The following DIAPH2 variants were observed in gnomAD, a reference collection of about 807,000 sequenced individuals.
DIAPH2 encodes the protein diaphanous related formin 2.
Under a neutral mutation model 92.7 loss-of-function variants are expected in DIAPH2, and 35 were observed. The observed-to-expected ratio is 0.38, with a 90% CI of 0.29 to 0.50. The LOEUF (loss-of-function observed/expected upper bound fraction) is 0.50. Among genes scored for constraint, DIAPH2 ranks in the 20% least tolerant of loss-of-function variants. DIAPH2 has a pLI of 0.94. For missense variants in DIAPH2, 701 were observed against 819.5 expected, an observed-to-expected ratio of 0.86 and a Z score of 1.77; for synonymous variants, 301 against 280.4, an observed-to-expected ratio of 1.07 and a Z score of -0.73.
At chrX:97,211,818 G>C (rs1464017265) in intron 22 of DIAPH2, among the ~76,000 whole-genome samples, 1 of 111,642 alleles carries the variant, frequency 9.0e-6, no homozygotes, top group African/African-American at 3.3e-5. Context: ...TTATACTGTT[G>C]CCTAAGATGT....
At chrX:97,407,750 T>A (rs2069824827) in intron 25 of DIAPH2, among the ~76,000 whole-genome samples, 1 of 112,400 alleles carries the variant, frequency 8.9e-6, no homozygotes, top group Non-Finnish European at 1.9e-5. Flanking sequence ...ATAATGATAT[T>A]TGCAGACAGT....
At chrX:97,408,362 A>G (rs969560615) in intron 25 of DIAPH2, among the ~76,000 whole-genome samples, 1 of 111,737 alleles carries the variant, frequency 8.9e-6, no homozygotes, top group African/African-American at 3.2e-5. Context: ...TATTACTTTT[A>G]GTATACCATC....
rs57799375 is a variant in DIAPH2 at position 97,137,270 on chromosome X, CATATAT to C, written c.2590-4368_2590-4363del. 5.8e-3 allele frequency among the ~76,000 whole-genome samples: 397 copies of C among 68,253 alleles called. 8 individuals are homozygous for C. The highest frequency in any genetic ancestry group is 0.023 in the African/African-American group (375 of 16,005). 59.3% of individuals were successfully genotyped at this position (68,253 alleles called of 115,157 possible). A position where few individuals can be genotyped will look rare whatever the true frequency, so the allele number is the denominator to read the frequency against. On this transcript the variant is annotated intron_variant, in intron 21 of 26. Coordinates refer to ENST00000324765, the MANE Select transcript of DIAPH2 (RefSeq NM_006729.5). ...GGGGTCATATATAAACGCAGTTATA[CATATAT>C]ATATATATATATATATATATATATA...
At chrX:97,232,476 C>A (rs1387872961) in intron 22 of DIAPH2, among the ~76,000 whole-genome samples, 2 of 111,805 alleles carry the variant, frequency 1.8e-5, no homozygotes, top group Non-Finnish European at 1.9e-5. Context: ...ATCTGCCTGC[C>A]TTGGCTTCCC....
At chrX:97,518,056 C>T (rs931763382) in intron 26 of DIAPH2, among the ~76,000 whole-genome samples, 51 of 112,003 alleles carry the variant, frequency 4.6e-4, no homozygotes, top group African/African-American at 1.6e-3. Flanking sequence ...CTGCCCTTGG[C>T]ACTGGGAATG....
intron 26 of DIAPH2, among the ~76,000 whole-genome samples, chrX:97,539,638 A>G (rs1296722282): frequency 8.9e-6 from 1 of 112,126 alleles, no homozygotes; most frequent in Non-Finnish European, 1.9e-5. Flanking sequence ...TTGACAGGTT[A>G]TTTTGTTTAT....
At chrX:97,114,348 C>T (rs771623276) in intron 20 of DIAPH2, among the ~76,000 whole-genome samples, 20 of 111,654 alleles carry the variant, frequency 1.8e-4, no homozygotes, top group Middle Eastern at 4.6e-3. Flanking sequence ...CTTTTATCTG[C>T]GGCCCAACTA....
At chrX:96,970,301 T>C (rs1339786890) in intron 17 of DIAPH2, among the ~76,000 whole-genome samples, 1 of 111,937 alleles carries the variant, frequency 8.9e-6, no homozygotes, top group Admixed American at 9.5e-5. Context: ...CCAGCTCTTC[T>C]TTCTATGTCT....
At chrX:96,904,450 C>T (rs760725518) in intron 5 of DIAPH2, among the ~76,000 whole-genome samples, 4 of 111,595 alleles carry the variant, frequency 3.6e-5, no homozygotes, top group Non-Finnish European at 5.7e-5. Flanking sequence ...CCTGAGTGGA[C>T]GTATATGTTT....
At chrX:96,687,795 G>A (rs954216282) in intron 1 of DIAPH2, among the ~76,000 whole-genome samples, 2 of 111,094 alleles carry the variant, frequency 1.8e-5, no homozygotes, top group Admixed American at 1.9e-4. Context: ...AAATTTAATG[G>A]AATTCACTTC....
chrX:97,137,287 A>ATATATATATATATATATATATG (rs2067178717), intron 21 of DIAPH2, among the ~76,000 whole-genome samples: 1 of 96,445 alleles, frequency 1.0e-5, no homozygotes, highest in African/African-American at 3.9e-5. Flanking sequence ...ATATATATAT[A>ATATATATATATATATATATATG]TATATATATA....
At chrX:96,965,403 T>C (rs1010642579) in intron 17 of DIAPH2, among the ~76,000 whole-genome samples, 196 bp downstream of exon 17, 1 of 111,986 alleles carries the variant, frequency 8.9e-6, no homozygotes, top group Admixed American at 9.5e-5. Context: ...AATTTTATTA[T>C]ACATAAATGT....
intron 12 of DIAPH2, among the ~76,000 whole-genome samples, chrX:96,940,700 G>C (rs924343268): frequency 6.4e-4 from 72 of 111,734 alleles, no homozygotes; most frequent in African/African-American, 2.3e-3. Flanking sequence ...ATTAAATTGT[G>C]TGCTGTTTTT....
At chrX:96,943,598 T>A (rs1290172570) in intron 13 of DIAPH2, among the ~76,000 whole-genome samples, 1 of 111,318 alleles carries the variant, frequency 9.0e-6, no homozygotes, top group Admixed American at 9.6e-5. Flanking sequence ...ACACTATTGT[T>A]GATTTTGATC....
At chrX:97,473,848 T>C (rs1276855956) in intron 26 of DIAPH2, among the ~76,000 whole-genome samples, 1 of 111,311 alleles carries the variant, frequency 9.0e-6, no homozygotes, top group Non-Finnish European at 1.9e-5. Context: ...TAGTCCCAGC[T>C]ACTCAGGAGG....
intron 1 of DIAPH2, among the ~76,000 whole-genome samples, chrX:96,698,535 G>A (rs1276163610): frequency 9.0e-6 from 1 of 110,579 alleles, no homozygotes; most frequent in African/African-American, 3.3e-5. Flanking sequence ...AACTACGGGC[G>A]TTAAGTGCCA....
chrX:97,515,159 G>C (rs1381365046), intron 26 of DIAPH2, among the ~76,000 whole-genome samples: 1 of 112,355 alleles, frequency 8.9e-6, no homozygotes, highest in Non-Finnish European at 1.9e-5. Context: ...AGCAATCAGC[G>C]AGATTCCGTG....
intron 4 of DIAPH2, among the ~76,000 whole-genome samples, chrX:96,819,352 A>C (rs1170353400): frequency 8.9e-6 from 1 of 112,448 alleles, no homozygotes; most frequent in Non-Finnish European, 1.9e-5. Flanking sequence ...ATCTCATTCT[A>C]TTCTGATTTA....
At chrX:96,868,080 C>A (rs2065116880) in intron 4 of DIAPH2, among the ~76,000 whole-genome samples, 1 of 112,082 alleles carries the variant, frequency 8.9e-6, no homozygotes, top group South Asian at 3.7e-4. Context: ...TCTGTGCCTA[C>A]CGTGCCGTAG....
Sources: allele counts gnomAD v4.1 joint callset (sites outside exome capture counted in the v4.1 genomes callset), GRCh38; gene constraint gnomAD v4.1.1; transcripts MANE v1.5; gene names NCBI Gene and HGNC (gene_info 2026-07-23, HGNC 2026-07-21).